RUFY1: variants seen among roughly 807,000 people sequenced by gnomAD.
RUFY1 encodes the protein RUN and FYVE domain containing 1.
In RUFY1, 54 loss-of-function variants were observed where a neutral mutation model predicts 94.6. The observed-to-expected ratio is 0.57, with a 90% CI of 0.46 to 0.72. The LOEUF is 0.72. RUFY1 is among the 30% of genes least tolerant of loss of function. RUFY1 has a pLI of 0.00. For synonymous variants in RUFY1, 396 were observed against 347.3 expected, an observed-to-expected ratio of 1.14 and a Z score of -1.56; for missense variants, 883 against 883.9, an observed-to-expected ratio of 1.00 and a Z score of 0.01.
At position 179,608,975 on chromosome 5, in the gene RUFY1, T is replaced by C. The variant is rs1362308762; in HGVS notation, c.1984-401T>C. 4.7e-5 allele frequency among the ~76,000 whole-genome samples: 7 copies of C among 148,650 alleles called. No individual in the cohort carries two copies. In the East Asian group the frequency reaches 9.9e-4, roughly 21 times the overall value. On this transcript the variant is annotated intron_variant, in intron 17 of 17. Transcript: ENST00000319449. ...TTTCACGCCTGTAATCCCAACACTT[T>C]GGGAGGCCAAGGCGGAGGCAGATCA...
chr5:179,592,759 A>C (rs534503369), intron 10 of RUFY1, among the ~76,000 whole-genome samples: 30 of 152,364 alleles, frequency 2.0e-4, no homozygotes, highest in Admixed American at 1.6e-3. Flanking sequence ...GGGTCAGGAC[A>C]GAACCATTTC....
intron 2 of RUFY1, 91 bp downstream of exon 2, chr5:179,560,289 C>T: frequency 1.4e-6 from 2 of 1,463,154 alleles, no homozygotes; most frequent in African/African-American, 1.4e-5. Context: ...CTTCTAGATG[C>T]TGAAATGCCA....
intron 1 of RUFY1, among the ~76,000 whole-genome samples, chr5:179,556,572 C>T (rs1419492278): frequency 1.3e-5 from 2 of 151,910 alleles, no homozygotes; most frequent in Non-Finnish European, 2.9e-5. Context: ...GCAATCTCGG[C>T]TCACTGCAAC....
chr5:179,577,774 G>A (rs1763762346), intron 6 of RUFY1, among the ~76,000 whole-genome samples: 1 of 151,714 alleles, frequency 6.6e-6, no homozygotes, highest in South Asian at 2.1e-4. Context: ...GGGCGGCGGA[G>A]GCGGTGGGAG....
chr5:179,600,289 C>T (rs539144793), intron 14 of RUFY1, among the ~76,000 whole-genome samples: 1 of 152,202 alleles, frequency 6.6e-6, no homozygotes, highest in Non-Finnish European at 1.5e-5. Context: ...TCCCAGTGGT[C>T]CCAGAAACCC....
At chr5:179,562,152 G>C (rs1014120603) in intron 2 of RUFY1, among the ~76,000 whole-genome samples, 1 of 151,698 alleles carries the variant, frequency 6.6e-6, no homozygotes, top group Non-Finnish European at 1.5e-5. Context: ...TGTGGCTCAC[G>C]CCTGTTATCC....
At chr5:179,600,947 C>G (rs1025560729) in intron 14 of RUFY1, among the ~76,000 whole-genome samples, 2 of 152,246 alleles carry the variant, frequency 1.3e-5, no homozygotes, top group Middle Eastern at 3.4e-3. Flanking sequence ...ATCCGCCCAC[C>G]TCAGCCTCCC....
chr5:179,577,232 C>A, intron 6 of RUFY1, 96 bp downstream of exon 6: 1 of 789,052 alleles, frequency 1.3e-6, no homozygotes. Context: ...AGTCCAGTGG[C>A]ACAGTCTTGG....
At chr5:179,580,841 T>C in intron 6 of RUFY1, 106 bp from the exon 7 acceptor site, 1 of 640,294 alleles carries the variant, frequency 1.6e-6, no homozygotes, top group South Asian at 2.1e-5. Flanking sequence ...CTTGGTTTCT[T>C]GAAGACATTG....
intron 7 of RUFY1, among the ~76,000 whole-genome samples, chr5:179,582,169 T>C (rs1764215880): frequency 6.6e-6 from 1 of 152,174 alleles, no homozygotes; most frequent in Non-Finnish European, 1.5e-5. Context: ...TTAATAGACT[T>C]CTTCATACTG....
intron 17 of RUFY1, among the ~76,000 whole-genome samples, chr5:179,609,135 A>G (rs1486034883): frequency 7.6e-6 from 1 of 132,260 alleles, no homozygotes; most frequent in Non-Finnish European, 1.6e-5. Context: ...TGAACCTGGG[A>G]GGCAGAGCTT....
At chr5:179,587,454 G>A (rs1364691923) in intron 8 of RUFY1, among the ~76,000 whole-genome samples, 7 of 140,594 alleles carry the variant, frequency 5.0e-5, no homozygotes, top group South Asian at 4.5e-4. Context: ...CGTGATCTCC[G>A]CTCACTGCAA....
At chr5:179,603,279 A>AAC (rs1562109808) in intron 15 of RUFY1, among the ~76,000 whole-genome samples, 1 of 151,220 alleles carries the variant, frequency 6.6e-6, no homozygotes, top group African/African-American at 2.4e-5. Context: ...AAAAAAAAAC[A>AAC]AATAGCTGGT....
intron 6 of RUFY1, among the ~76,000 whole-genome samples, chr5:179,580,249 T>A (rs1306996165): frequency 0.032 from 1,095 of 34,666 alleles, 12 homozygotes; most frequent in East Asian, 0.099. Context: ...GTGTATATTT[T>A]TTTTTTTTTT....
chr5:179,607,370 G>A (rs1238797250), intron 16 of RUFY1: 2 of 577,302 alleles, frequency 3.5e-6, no homozygotes, highest in African/African-American at 1.9e-5. Context: ...GCCAAGAGGT[G>A]GAGCACGGAG....
rs772457784 is a variant in RUFY1, at chr5:179,560,104, G to A, written c.390G>A (p.Ser130=). The change falls in exon 2 of 18, where the codon TCG becomes TCA. Residue 130 remains serine (S), a synonymous_variant. Coordinates refer to ENST00000319449, the MANE Select transcript of RUFY1 (RefSeq NM_025158.5). ...MKLSIKVLLQ[S]ALSLGRSLDA... is the part of the protein sequence containing the mutation. The stretch of plus-strand genomic sequence containing the variant: ...TCAGCATCAAGGTGTTGCTCCAGTC[G>A]GCTCTGAGCCTGGGCCGCAGCCTGG... 1 of 1,614,046 alleles carries A rather than the reference G, an allele frequency of 6.2e-7. No individual in the cohort carries two copies. Among genetic ancestry groups the A allele is most frequent in the South Asian group, 1.1e-5 (1 of 91,054 alleles).
intron 5 of RUFY1, among the ~76,000 whole-genome samples, chr5:179,573,278 G>C (rs956116024): frequency 1.3e-5 from 2 of 152,092 alleles, no homozygotes; most frequent in Non-Finnish European, 2.9e-5. Flanking sequence ...TCAAATTCCA[G>C]AATAAAAACT....
intron 15 of RUFY1, among the ~76,000 whole-genome samples, chr5:179,605,466 A>G (rs1225852738): frequency 1.3e-5 from 2 of 152,160 alleles, no homozygotes; most frequent in African/African-American, 4.8e-5. Flanking sequence ...TCCCCCTTCC[A>G]GACAGCAGGC....
intron 6 of RUFY1, among the ~76,000 whole-genome samples, chr5:179,580,535 C>T (rs1008218219): frequency 1.6e-4 from 24 of 148,404 alleles, no homozygotes; most frequent in Non-Finnish European, 3.0e-4. Context: ...AGCCACCACG[C>T]CTGGCCAGTT....
Sources: gnomAD v4.1 joint callset for allele counts (sites outside exome capture counted in the v4.1 genomes callset) on GRCh38, gnomAD v4.1.1 for gene constraint, MANE v1.5 for transcripts, NCBI Gene and HGNC (gene_info 2026-07-23, HGNC 2026-07-21) for gene names.